PAK5: variants seen among roughly 807,000 people sequenced by gnomAD.
PAK5 encodes serine/threonine-protein kinase PAK 5.
A neutral mutation model predicts 65.9 loss-of-function variants in PAK5; 16 were observed. That is an observed-to-expected ratio of 0.24 (90% CI 0.16 to 0.37). The LOEUF (loss-of-function observed/expected upper bound fraction) is 0.37, where lower values mean the gene tolerates loss of function less well. Ranked by LOEUF, PAK5 falls within the 10% of genes least tolerant of loss-of-function variation. PAK5 has a pLI of 1.00. For synonymous variants in PAK5, 371 were observed against 354.9 expected (o/e 1.05, Z -0.51); for missense variants, 785 against 903.9 (o/e 0.87, Z 1.69).
intron 3 of PAK5, among the ~76,000 whole-genome samples, chr20:9,601,338 A>T (rs1206803251): frequency 6.6e-6 from 1 of 152,184 alleles, no homozygotes; most frequent in East Asian, 1.9e-4. Flanking sequence ...AGAATGGGGG[A>T]AAGAGGTCAG....
intron 1 of PAK5, among the ~76,000 whole-genome samples, chr20:9,830,664 T>G (rs1446438260): frequency 3.3e-5 from 5 of 152,096 alleles, no homozygotes; most frequent in African/African-American, 1.2e-4. Context: ...CTTTCAAAAT[T>G]CCTGCCGGTA....
chr20:9,832,126 G>C (rs1807587878), intron 1 of PAK5, among the ~76,000 whole-genome samples: 1 of 151,346 alleles, frequency 6.6e-6, no homozygotes, highest in African/African-American at 2.4e-5. Context: ...AGTTATATAG[G>C]TTCTTTTTAA....
chr20:9,815,846 C>T (rs1336920599), intron 1 of PAK5, among the ~76,000 whole-genome samples: 1 of 152,174 alleles, frequency 6.6e-6, no homozygotes, highest in Non-Finnish European at 1.5e-5. Flanking sequence ...GCCAGACTGT[C>T]ACATAACTCA....
intron 1 of PAK5, among the ~76,000 whole-genome samples, chr20:9,742,628 T>C (rs1203012029): frequency 6.6e-6 from 1 of 152,174 alleles, no homozygotes; most frequent in Non-Finnish European, 1.5e-5. Context: ...TTTCCCTATA[T>C]TCCTGTTGCA....
At chr20:9,753,282 C>T (rs559119206) in intron 1 of PAK5, among the ~76,000 whole-genome samples, 17 of 152,178 alleles carry the variant, frequency 1.1e-4, no homozygotes, top group African/African-American at 4.1e-4. Context: ...CACTATGTAA[C>T]TTATAAAAGT....
chr20:9,759,571 T>C (rs2048674860), intron 1 of PAK5, among the ~76,000 whole-genome samples: 1 of 152,138 alleles, frequency 6.6e-6, no homozygotes, highest in Non-Finnish European at 1.5e-5. Flanking sequence ...TTTGCATCTC[T>C]ATCAAGCTCC....
chr20:9,586,791 T>G (rs138225511), intron 3 of PAK5, among the ~76,000 whole-genome samples: 1 of 152,284 alleles, frequency 6.6e-6, no homozygotes, highest in Admixed American at 6.5e-5. Context: ...TCTGTGCACT[T>G]GTCACCAGGT....
chr20:9,553,333 G>A (rs889656508), intron 7 of PAK5, among the ~76,000 whole-genome samples: 1 of 152,126 alleles, frequency 6.6e-6, no homozygotes, highest in Non-Finnish European at 1.5e-5. Flanking sequence ...AGAAGTCTGG[G>A]AGACTGTGTA....
chr20:9,749,889 C>T (rs983850584), intron 1 of PAK5, among the ~76,000 whole-genome samples: 1 of 152,154 alleles, frequency 6.6e-6, no homozygotes, highest in Admixed American at 6.6e-5. Flanking sequence ...TGACCAGTAA[C>T]ACTCAGTTTG....
intron 3 of PAK5, among the ~76,000 whole-genome samples, chr20:9,622,557 C>T (rs1375495200): frequency 6.6e-6 from 1 of 152,162 alleles, no homozygotes; most frequent in Non-Finnish European, 1.5e-5. Flanking sequence ...GACCCATACC[C>T]GGAGTGTCTG....
chr20:9,586,946 TA>T (rs1184790624), intron 3 of PAK5, among the ~76,000 whole-genome samples: 2 of 152,178 alleles, frequency 1.3e-5, no homozygotes, highest in Admixed American at 6.6e-5. Flanking sequence ...ACTTATGAGA[TA>T]GGTAATATTA....
chr20:9,701,372 G>A (rs967361020), intron 2 of PAK5, among the ~76,000 whole-genome samples: 2 of 152,296 alleles, frequency 1.3e-5, no homozygotes, highest in East Asian at 3.9e-4. Context: ...AGGAATGTGT[G>A]GAGAGGGGAC....
intron 1 of PAK5, among the ~76,000 whole-genome samples, chr20:9,750,767 G>A (rs1600325528): frequency 6.6e-6 from 1 of 151,960 alleles, no homozygotes; most frequent in East Asian, 1.9e-4. Flanking sequence ...TGCTATTAAG[G>A]GCCATGATCG....
At chr20:9,745,438 A>G (rs2123599108) in intron 1 of PAK5, among the ~76,000 whole-genome samples, 1 of 152,228 alleles carries the variant, frequency 6.6e-6, no homozygotes, top group South Asian at 2.1e-4. Context: ...AAGGGCCACA[A>G]AAAGGAAAAA....
At chr20:9,787,574 A>G (rs1429783250) in intron 1 of PAK5, among the ~76,000 whole-genome samples, 4 of 151,940 alleles carry the variant, frequency 2.6e-5, no homozygotes, top group African/African-American at 9.7e-5. Context: ...TTTTTCATCT[A>G]TAAAATAGAA....
intron 1 of PAK5, among the ~76,000 whole-genome samples, chr20:9,821,368 G>A (rs1000862806): frequency 1.3e-5 from 2 of 152,028 alleles, no homozygotes; most frequent in Non-Finnish European, 2.9e-5. Context: ...GCAACAGAGC[G>A]AGACTCTGTC....
At chr20:9,753,154 G>A (rs2048595584) in intron 1 of PAK5, among the ~76,000 whole-genome samples, 1 of 152,064 alleles carries the variant, frequency 6.6e-6, no homozygotes, top group Non-Finnish European at 1.5e-5. Context: ...TTCCCCAGAC[G>A]ACCTGGAGAC....
At chr20:9,593,014 G>T (rs1453657107) in intron 3 of PAK5, among the ~76,000 whole-genome samples, 1 of 152,120 alleles carries the variant, frequency 6.6e-6, no homozygotes, top group South Asian at 2.1e-4. Context: ...TTAGGAGTTG[G>T]CAGGGCTGGG....
Position 9,690,755 on chromosome 20 carries a change from T to C in PAK5, c.-12+20531A>G, listed in dbSNP as rs1439039837. ...ATTTCTTTCTTTCTTTCTTTCTTTT[T>C]TTTTTTTTTTTTTTTTGAGAAGGAG... is the stretch of plus-strand genomic sequence containing the variant. On this transcript the variant is annotated intron_variant, in intron 2 of 9. Coordinates refer to ENST00000353224, the MANE Select transcript of PAK5 (RefSeq NM_177990.4). Among the ~76,000 whole-genome samples the C allele has an allele frequency of 2.3e-4, 31 of 136,966 alleles. No homozygotes were observed. In the South Asian group the frequency reaches 2.4e-3, roughly 10 times the overall value. The allele number at this position is 136,966 out of a possible 152,430, so 89.9% of individuals were successfully genotyped here. A position where few individuals can be genotyped will look rare whatever the true frequency, so the allele number is the denominator to read the frequency against.
Sources: gnomAD v4.1 joint callset for allele counts (sites outside exome capture counted in the v4.1 genomes callset) on GRCh38, gnomAD v4.1.1 for gene constraint, MANE v1.5 for transcripts, NCBI Gene and HGNC (gene_info 2026-07-23, HGNC 2026-07-21) for gene names.